The following ZBTB40 variants were observed in gnomAD, a reference collection of about 807,000 sequenced individuals.
ZBTB40 encodes zinc finger and BTB domain-containing protein 40.
In ZBTB40, 60 loss-of-function variants were observed where a neutral mutation model predicts 117.5. The ratio of observed to expected loss-of-function variants is 0.51; its 90% CI spans 0.41 to 0.63. ZBTB40 has a LOEUF of 0.63. Ranked by LOEUF, ZBTB40 falls within the 30% of genes least tolerant of loss-of-function variation. The pLI is 0.00. For missense variants in ZBTB40, 1,287 were observed against 1,498.5 expected (o/e 0.86, Z 2.33); for synonymous variants, 525 against 577.1 (o/e 0.91, Z 1.29).
At position 22,526,568 on chromosome 1, in the gene ZBTB40, C is replaced by A; in HGVS notation, c.*172C>A. The stretch of plus-strand genomic sequence containing the variant: ...GGAAGCTTCGTTGTTCTCATAGAAC[C>A]AACAGCATCTGAGCCCTCAACACCA... On this transcript the variant is annotated 3_prime_UTR_variant, in exon 18 of 18. Coordinates refer to ENST00000375647, the MANE Select transcript of ZBTB40 (RefSeq NM_014870.4). 1.2e-6 allele frequency: 1 copy of A among 825,358 alleles called. No homozygotes were observed. The highest frequency in any genetic ancestry group is 1.9e-6 in the Non-Finnish European group (1 of 514,614). The allele number at this position is 825,358 out of a possible 1,614,324, so 51.1% of individuals were successfully genotyped here.
At chr1:22,433,655 C>G (rs1481364672) in intron 1 of ZBTB40, among the ~76,000 whole-genome samples, 1 of 145,560 alleles carries the variant, frequency 6.9e-6, no homozygotes, top group African/African-American at 2.5e-5. Context: ...AGGACTACCC[C>G]TGTAGTCCTA....
chr1:22,463,267 G>T (rs932945337), intron 1 of ZBTB40, among the ~76,000 whole-genome samples: 2 of 152,126 alleles, frequency 1.3e-5, no homozygotes, highest in African/African-American at 4.8e-5. Flanking sequence ...GCATCACAGT[G>T]CCTGGTGTGT....
chr1:22,444,354 AG>A (rs1383162770), intron 1 of ZBTB40, among the ~76,000 whole-genome samples: 1 of 152,168 alleles, frequency 6.6e-6, no homozygotes, highest in African/African-American at 2.4e-5. Flanking sequence ...CAGGAGTCAG[AG>A]GTTGCAGTGA....
At chr1:22,492,424 T>G (rs769245137) in intron 3 of ZBTB40, among the ~76,000 whole-genome samples, 1 of 152,218 alleles carries the variant, frequency 6.6e-6, no homozygotes, top group Non-Finnish European at 1.5e-5. Flanking sequence ...CCTGCAGGAT[T>G]CGACTCCACA....
rs772602948 is a variant in ZBTB40, at chr1:22,521,563, G to A, written c.3116G>A (p.Arg1039Gln). 3.1e-6 allele frequency: 5 copies of A among 1,613,996 alleles called. No individual in the cohort carries two copies. Among genetic ancestry groups the A allele is most frequent in the Non-Finnish European group, 4.2e-6 (5 of 1,180,034 alleles). Residue 1039 changes from arginine (R) to glutamine (Q), a missense_variant, in exon 15 of 18, where the codon CGA becomes CAA. Physicochemically the swap from Arg to Gln is conservative, Grantham distance 43. Coordinates refer to ENST00000375647, the MANE Select transcript of ZBTB40 (RefSeq NM_014870.4). ...GACGTATTTGCTGCTCAGAACCACC[G>A]ATCTTCCAAGTTCTCATCACTCCAG... Reference protein sequence around the residue: ...HPDVFAAQNHRSSKFSSLQCS... With the variant: ...HPDVFAAQNHQSSKFSSLQCS...
chr1:22,494,440 G>T (rs1199409069), intron 3 of ZBTB40, among the ~76,000 whole-genome samples: 4 of 152,222 alleles, frequency 2.6e-5, no homozygotes, highest in Admixed American at 1.3e-4. Context: ...TGAGGTGCTT[G>T]TTAAAATGTA....
At position 22,529,833 on chromosome 1, in the gene ZBTB40, T is replaced by C. The variant is rs1032111924; in HGVS notation, c.*3437T>C. ...GTCAGCTTCATGCCTCGGGCTAGAG[T>C]TCTGATAATCGGGGCTGAGGGGTGA... On this transcript the variant is annotated 3_prime_UTR_variant, in exon 18 of 18. Coordinates refer to ENST00000375647, the MANE Select transcript of ZBTB40 (RefSeq NM_014870.4). 1 of 151,964 alleles carries C rather than the reference T, an allele frequency of 6.6e-6. No individual in the cohort carries two copies. The highest frequency in any genetic ancestry group is 2.4e-5 in the African/African-American group (1 of 41,322). 9.4% of individuals were successfully genotyped at this position (151,964 alleles called of 1,614,324 possible). A position where few individuals can be genotyped will look rare whatever the true frequency, so the allele number is the denominator to read the frequency against.
chr1:22,521,028 G>C (rs1410628604), intron 14 of ZBTB40, among the ~76,000 whole-genome samples: 1 of 152,268 alleles, frequency 6.6e-6, no homozygotes, highest in Non-Finnish European at 1.5e-5. Context: ...GGCAAGGGCA[G>C]TGTGCACTCC....
At chr1:22,457,092 G>C (rs764166468) in intron 1 of ZBTB40, among the ~76,000 whole-genome samples, 2 of 151,258 alleles carry the variant, frequency 1.3e-5, no homozygotes, top group Non-Finnish European at 2.9e-5. Context: ...GCTGTGATCA[G>C]ACCACTGCAT....
chr1:22,528,434 AAAAC>A lies in ZBTB40; in HGVS notation c.*2045_*2048del, dbSNP rs148791130. 54,310 of 151,824 alleles carry A rather than the reference AAAAC, an allele frequency of 0.36. 10,000 individuals are homozygous for A. Among genetic ancestry groups the A allele is most frequent in the Admixed American group, 0.47 (7,140 of 15,244 alleles). 9.4% of individuals were successfully genotyped at this position (151,824 alleles called of 1,614,324 possible). On this transcript the variant is annotated 3_prime_UTR_variant, in exon 18 of 18. Transcript: ENST00000375647. ...TTATAGGGAAGTGATTTAAAAAGAA[AAAAC>A]AAACAACAACAAAAAAAACTCTTCG...
chr1:22,506,611 C>G (rs1174566255), intron 6 of ZBTB40, among the ~76,000 whole-genome samples: 1 of 152,136 alleles, frequency 6.6e-6, no homozygotes, highest in African/African-American at 2.4e-5. Context: ...CTCCATTGCC[C>G]CATTTCCACT....
chr1:22,449,288 C>T (rs1270621506), upstream of ZBTB40, among the ~76,000 whole-genome samples: 1 of 152,188 alleles, frequency 6.6e-6, no homozygotes, highest in Non-Finnish European at 1.5e-5. Context: ...GAAAAGTTCT[C>T]AACCCTCCCC....
intron 1 of ZBTB40, among the ~76,000 whole-genome samples, chr1:22,466,429 C>G (rs77439634): frequency 0.03 from 4,510 of 152,248 alleles, 130 homozygotes; most frequent in Non-Finnish European, 0.043. Flanking sequence ...CATATGGTGT[C>G]TCTGTGCTTA....
chr1:22,484,334 T>G (rs936820310), intron 1 of ZBTB40, among the ~76,000 whole-genome samples: 2 of 152,218 alleles, frequency 1.3e-5, no homozygotes, highest in African/African-American at 4.8e-5. Context: ...TCATCAGAGT[T>G]TTGTTGTTTT....
upstream of ZBTB40, among the ~76,000 whole-genome samples, chr1:22,449,269 A>C (rs1277283579): frequency 6.6e-6 from 1 of 152,170 alleles, no homozygotes; most frequent in Non-Finnish European, 1.5e-5. Flanking sequence ...CTAAAGTAGA[A>C]AAAAAGTTGA....
chr1:22,436,846 CAT>C (rs1182608997), intron 1 of ZBTB40, among the ~76,000 whole-genome samples: 1 of 152,032 alleles, frequency 6.6e-6, no homozygotes, highest in East Asian at 1.9e-4. Context: ...AACATGTTAA[CAT>C]ATTCTAAAAT....
At chr1:22,496,866 G>A (rs1278131174) in intron 3 of ZBTB40, among the ~76,000 whole-genome samples, 1 of 152,224 alleles carries the variant, frequency 6.6e-6, no homozygotes, top group Non-Finnish European at 1.5e-5. Context: ...AAAGTCCCAC[G>A]ATAGGCCGTC....
At chr1:22,438,093 G>C (rs1640693337) in intron 1 of ZBTB40, among the ~76,000 whole-genome samples, 1 of 152,016 alleles carries the variant, frequency 6.6e-6, no homozygotes, top group Non-Finnish European at 1.5e-5. Flanking sequence ...TCGCACCACT[G>C]TACTCCAGCC....
chr1:22,487,973 G>A (rs1228543610), intron 1 of ZBTB40, among the ~76,000 whole-genome samples: 1 of 152,192 alleles, frequency 6.6e-6, no homozygotes, highest in African/African-American at 2.4e-5. Flanking sequence ...CTGCTACCAC[G>A]GGATGTTTTC....
Sources: allele counts gnomAD v4.1 joint callset (sites outside exome capture counted in the v4.1 genomes callset), GRCh38; gene constraint gnomAD v4.1.1; transcripts MANE v1.5; gene names NCBI Gene and HGNC (gene_info 2026-07-23, HGNC 2026-07-21).